The following ATF2 variants were observed in gnomAD, a reference collection of about 807,000 sequenced individuals.
ATF2 encodes the protein cyclic AMP-dependent transcription factor ATF-2.
A neutral mutation model predicts 60.6 loss-of-function variants in ATF2; 24 were observed. That is an observed-to-expected ratio of 0.40 (90% CI 0.29 to 0.56). The LOEUF is 0.56. Among genes scored for constraint, ATF2 ranks in the 20% least tolerant of loss-of-function variants. ATF2 has a pLI of 0.54. For synonymous variants in ATF2, 206 were observed against 215.4 expected, an observed-to-expected ratio of 0.96 and a Z score of 0.38; for missense variants, 433 against 607.7, an observed-to-expected ratio of 0.71 and a Z score of 3.02.
intron 4 of ATF2, chr2:175,127,346 T>C (rs62184477): frequency 0.039 from 6,095 of 154,838 alleles, 139 homozygotes; most frequent in Admixed American, 0.095. Context: ...AAGAGAACTG[T>C]AGTTTTTAGC....
chr2:175,152,626 T>A (rs1019973574), intron 1 of ATF2, among the ~76,000 whole-genome samples: 1 of 152,046 alleles, frequency 6.6e-6, no homozygotes, highest in African/African-American at 2.4e-5. Flanking sequence ...GAAAGAAGGG[T>A]TGCACTTAAC....
intron 4 of ATF2, chr2:175,127,380 T>A (rs75492687): frequency 0.04 from 6,127 of 154,566 alleles, 391 homozygotes; most frequent in African/African-American, 0.14. Context: ...CAGAAAAATA[T>A]ATATGTCAAA....
chr2:175,094,938 T>A (rs1257875489), intron 11 of ATF2, among the ~76,000 whole-genome samples: 4 of 152,022 alleles, frequency 2.6e-5, no homozygotes, highest in Non-Finnish European at 4.4e-5. Flanking sequence ...GAAGATCCCG[T>A]CTCAAAAAAG....
intron 11 of ATF2, among the ~76,000 whole-genome samples, chr2:175,094,510 C>A (rs1394250896): frequency 1.3e-5 from 2 of 150,502 alleles, no homozygotes; most frequent in African/African-American, 2.4e-5. Flanking sequence ...AAAGGAGAAG[C>A]CTGAAAACAA....
At position 175,121,523 on chromosome 2, in the gene ATF2, A is replaced by G; in HGVS notation, c.120T>C (p.Asp40=). The G allele has an allele frequency of 6.2e-7, 1 of 1,602,404 alleles. No individual in the cohort carries two copies. The highest frequency in any genetic ancestry group is 8.5e-7 in the Non-Finnish European group (1 of 1,173,676). The change falls in exon 5 of 14, where the codon GAT becomes GAC. Residue 40 remains aspartate, a synonymous_variant. Coordinates refer to ENST00000264110, the MANE Select transcript of ATF2 (RefSeq NM_001880.4). The part of the protein sequence containing the change: ...PGCGQRFTNE[D]HLAVHKHKHE... ...GTTTATGTTTATGGACAGCCAAATGATCCTCGTTGGTAAAACGCTGTGGCA... is the reference window on the plus strand; with the variant it reads ...GTTTATGTTTATGGACAGCCAAATGGTCCTCGTTGGTAAAACGCTGTGGCA...
chr2:175,111,438 T>C (rs970647885), intron 10 of ATF2, 130 bp downstream of exon 10: 4 of 678,444 alleles, frequency 5.9e-6, no homozygotes, highest in Admixed American at 7.9e-5. Context: ...TTGTGGTTTA[T>C]CTATAGTATA....
intron 1 of ATF2, among the ~76,000 whole-genome samples, chr2:175,164,604 A>G (rs1487292306): frequency 6.6e-6 from 1 of 152,236 alleles, no homozygotes; most frequent in Non-Finnish European, 1.5e-5. Flanking sequence ...ATTTTCTATG[A>G]AACTATCTTA....
chr2:175,121,995 C>G (rs918974725), intron 4 of ATF2, among the ~76,000 whole-genome samples: 1 of 151,736 alleles, frequency 6.6e-6, no homozygotes, highest in Non-Finnish European at 1.5e-5. Flanking sequence ...AAGTATTACG[C>G]CTGGACAAAA....
rs1194130937 is a variant in ATF2 at position 175,084,243 on chromosome 2, A to C, written c.1186-3478T>G. On this transcript the variant is annotated intron_variant, in intron 12 of 13. Transcript: ENST00000264110. The stretch of plus-strand genomic sequence containing the variant: ...CAATAGCAAAGACTTGGAACCAACC[A>C]AAATGTCCAACGATGATAGACTGGA... 1.1e-4 allele frequency among the ~76,000 whole-genome samples: 17 copies of C among 152,256 alleles called. No individual in the cohort carries two copies. In the South Asian group the frequency reaches 2.3e-3, roughly 20 times the overall value.
chr2:175,131,963 C>T (rs777859911), intron 3 of ATF2, among the ~76,000 whole-genome samples: 2 of 152,054 alleles, frequency 1.3e-5, no homozygotes, highest in Admixed American at 6.5e-5. Flanking sequence ...ATTTTCAAAA[C>T]AAAAAATTTA....
chr2:175,085,932 T>G (rs571435238), intron 12 of ATF2, among the ~76,000 whole-genome samples: 2 of 152,206 alleles, frequency 1.3e-5, no homozygotes, highest in Non-Finnish European at 2.9e-5. Context: ...TTGTTACTCT[T>G]TGTTTTAAAA....
chr2:175,104,612 G>C (rs1452029484), intron 10 of ATF2, among the ~76,000 whole-genome samples: 1 of 152,114 alleles, frequency 6.6e-6, no homozygotes, highest in Non-Finnish European at 1.5e-5. Context: ...ATCAAGTTCT[G>C]TGACCATTTA....
intron 2 of ATF2, among the ~76,000 whole-genome samples, chr2:175,142,186 CTTT>C (rs377013083): frequency 4.5e-5 from 6 of 133,014 alleles, no homozygotes; most frequent in Admixed American, 7.5e-5. Context: ...GTTTTCTTTT[CTTT>C]TTTTTTTTTT....
chr2:175,080,650 C>T lies in ATF2; in HGVS notation c.1291+10G>A. The T allele has an allele frequency of 1.2e-6, 2 of 1,609,108 alleles. No individual in the cohort carries two copies. The highest frequency in any genetic ancestry group is 1.1e-5 in the South Asian group (1 of 90,896). On this transcript the variant is annotated intron_variant, in intron 13 of 13. Transcript: ENST00000264110. ...TAGCCTAAGGCTATAGGTAATGGAA[C>T]ATTACTCACTATGATAGCCAGATTT...
intron 2 of ATF2, among the ~76,000 whole-genome samples, chr2:175,143,005 A>T (rs1231339725): frequency 6.6e-6 from 1 of 152,152 alleles, no homozygotes; most frequent in Non-Finnish European, 1.5e-5. Flanking sequence ...CAATGCTACC[A>T]TGCCTGACTA....
At chr2:175,148,844 C>T (rs150556347) in intron 2 of ATF2, among the ~76,000 whole-genome samples, 1 of 152,122 alleles carries the variant, frequency 6.6e-6, no homozygotes. Context: ...TGGAACACAG[C>T]ACCCCACCCC....
intron 11 of ATF2, among the ~76,000 whole-genome samples, chr2:175,094,254 C>T (rs1008501938): frequency 1.3e-5 from 2 of 151,534 alleles, no homozygotes; most frequent in Admixed American, 6.6e-5. Flanking sequence ...ATTAGCTGAG[C>T]GTGGTGGTGC....
At chr2:175,138,047 T>C (rs374850268) in intron 2 of ATF2, among the ~76,000 whole-genome samples, 1 of 152,180 alleles carries the variant, frequency 6.6e-6, no homozygotes. Context: ...GAGCTATAGA[T>C]TGTTGGAGAA....
chr2:175,100,052 A>G (rs1214806206), intron 10 of ATF2, among the ~76,000 whole-genome samples: 1 of 152,246 alleles, frequency 6.6e-6, no homozygotes, highest in Admixed American at 6.5e-5. Context: ...CCACTTATGT[A>G]ATATCCTAGT....
Sources: allele counts gnomAD v4.1 joint callset (sites outside exome capture counted in the v4.1 genomes callset), GRCh38; gene constraint gnomAD v4.1.1; transcripts MANE v1.5; gene names NCBI Gene and HGNC (gene_info 2026-07-23, HGNC 2026-07-21).